CNTRL: variants seen among roughly 807,000 people sequenced by gnomAD.
CNTRL encodes centriolin.
In CNTRL, 233 loss-of-function variants were observed where a neutral mutation model predicts 303.7. The ratio of observed to expected loss-of-function variants is 0.77; its 90% confidence interval spans 0.69 to 0.86. CNTRL has a LOEUF of 0.86. Among genes scored for constraint, CNTRL ranks in the 40% least tolerant of loss-of-function variants. The pLI is 0.00. For missense variants in CNTRL, 2,524 were observed against 2,650.6 expected, an observed-to-expected ratio of 0.95 and a Z score of 1.05; for synonymous variants, 900 against 922.2, an observed-to-expected ratio of 0.98 and a Z score of 0.44.
rs1431585499 is a variant in CNTRL, at chr9:121,141,585, A to T, written c.2688A>T (p.Ala896=). The T allele has an allele frequency of 6.2e-7, 1 of 1,613,870 alleles. No homozygotes were observed. The highest frequency in any genetic ancestry group is 1.3e-5 in the African/African-American group (1 of 74,940). ...FRQACERALE[A]RMNFDKRQHE... ...AGGCCTGTGAGAGAGCCCTGGAAGC[A>T]AGAGTAAGACAAGGGCAAGAGGCAC... The change falls in exon 18 of 44, where the codon GCA becomes GCT. Residue 896 remains alanine, a synonymous_variant. Transcript: ENST00000373855.
At chr9:121,131,562 T>A (rs200607480) in intron 14 of CNTRL, among the ~76,000 whole-genome samples, 4 of 152,336 alleles carry the variant, frequency 2.6e-5, no homozygotes, top group South Asian at 2.1e-4. Context: ...TATAGCACAC[T>A]GATGGGTCTT....
At chr9:121,117,794 A>G (rs879476092) in intron 11 of CNTRL, among the ~76,000 whole-genome samples, 24 of 152,092 alleles carry the variant, frequency 1.6e-4, no homozygotes, top group Admixed American at 3.9e-4. Context: ...CCTGGCTAAC[A>G]TGGTGAAACC....
At chr9:121,113,837 T>G (rs528110099) in intron 10 of CNTRL, 113 bp downstream of exon 10, 1 of 626,374 alleles carries the variant, frequency 1.6e-6, no homozygotes, top group East Asian at 3.2e-5. Context: ...ATTGTTTCCA[T>G]GAAAAGTCTA....
chr9:121,099,008 A>C (rs1048360791), intron 7 of CNTRL, among the ~76,000 whole-genome samples: 7 of 152,144 alleles, frequency 4.6e-5, no homozygotes, highest in African/African-American at 1.7e-4. Context: ...CTGTGAGTTT[A>C]AGGAAGTGAA....
chr9:121,168,580 C>G (rs980527226), intron 38 of CNTRL, among the ~76,000 whole-genome samples: 11 of 152,148 alleles, frequency 7.2e-5, no homozygotes, highest in African/African-American at 2.4e-4. Flanking sequence ...GTGGAACATT[C>G]ACGTGAATAA....
intron 7 of CNTRL, among the ~76,000 whole-genome samples, chr9:121,100,410 A>T (rs2132673271): frequency 6.6e-6 from 1 of 152,364 alleles, no homozygotes. Flanking sequence ...TGAAGGAAGC[A>T]CTAAACATGG....
chr9:121,152,663 A>C lies in CNTRL; in HGVS notation c.4142A>C (p.His1381Pro), dbSNP rs2052345113. 6.2e-7 allele frequency: 1 copy of C among 1,613,562 alleles called. No homozygotes were observed. Among genetic ancestry groups the C allele is most frequent in the South Asian group, 1.1e-5 (1 of 91,056 alleles). Reference protein sequence around the residue: ...KSLECEVEELHRTVQKRQQQK... With the variant: ...KSLECEVEELPRTVQKRQQQK... ...TTAGAGTGTGAAGTAGAAGAATTACATAGAACTGTCCAGAAACGTCAACAG... is the reference window on the plus strand; with the variant it reads ...TTAGAGTGTGAAGTAGAAGAATTACCTAGAACTGTCCAGAAACGTCAACAG... Residue 1381 changes from histidine (H) to proline (P), a missense_variant, in exon 26 of 44, where the codon CAT (histidine) becomes CCT (proline). His to Pro is a moderately conservative substitution (Grantham distance 77). Transcript: ENST00000373855.
intron 3 of CNTRL, 104 bp from the exon 4 acceptor site, chr9:121,090,171 T>C (rs757561277): frequency 3.2e-6 from 3 of 939,342 alleles, no homozygotes; most frequent in East Asian, 4.1e-5. Context: ...TTTGGTATAT[T>C]CATGGCTTAA....
intron 5 of CNTRL, 136 bp downstream of exon 5, chr9:121,095,154 G>T (rs1280230111): frequency 3.0e-6 from 2 of 671,578 alleles, no homozygotes; most frequent in Non-Finnish European, 4.7e-6. Flanking sequence ...TCAATCAAAT[G>T]AATGTCTGTC....
At chr9:121,097,707 T>C (rs1434401408) in intron 6 of CNTRL, among the ~76,000 whole-genome samples, 1 of 152,196 alleles carries the variant, frequency 6.6e-6, no homozygotes, top group East Asian at 1.9e-4. Context: ...ATTCCTGAAG[T>C]AGTTGATCCT....
rs1291124315 is a variant in CNTRL, at chr9:121,158,055, A to C, written c.4710A>C (p.Glu1570Asp). 3 of 1,614,086 alleles carry C rather than the reference A, an allele frequency of 1.9e-6. No individual in the cohort carries two copies. The highest frequency in any genetic ancestry group is 1.3e-5 in the African/African-American group (1 of 74,936). ...NEDHHLQVLKESEVLLQAKRA... is the reference protein window; with the variant it reads ...NEDHHLQVLKDSEVLLQAKRA... ...ATCACCACCTGCAGGTCCTTAAAGA[A>C]TCTGAGGTGCTTCTTCAGGCCAAAA... Residue 1570 changes from glutamate (E) to aspartate (D), a missense_variant, in exon 30 of 44, where the codon GAA becomes GAC. Transcript: ENST00000373855.
intron 17 of CNTRL, 21 bp from the exon 18 acceptor site, chr9:121,141,360 A>AT (rs1307401975): frequency 7.0e-6 from 11 of 1,577,148 alleles, no homozygotes; most frequent in African/African-American, 4.0e-5. Context: ...CATTTATACC[A>AT]TTTTTCCCCC....
chr9:121,115,141 C>G lies in CNTRL; in HGVS notation c.1396C>G (p.Gln466Glu). The G allele has an allele frequency of 2.5e-6, 4 of 1,610,666 alleles. No homozygotes were observed. Among genetic ancestry groups the G allele is most frequent in the Non-Finnish European group, 3.4e-6 (4 of 1,178,440 alleles). The change falls in exon 11 of 44, where the codon CAA becomes GAA. Residue 466 changes from glutamine (Q) to glutamate (E), a missense_variant. Physicochemically the swap from Gln to Glu is conservative, Grantham distance 29. Coordinates refer to ENST00000373855, the MANE Select transcript of CNTRL (RefSeq NM_007018.6). Reference sequence around the variant, plus strand: ...TGATGAAATAGAAAAGGCAGAACAACAAATTTTGAGAGCTACTGAAGAATT... The same window carrying G: ...TGATGAAATAGAAAAGGCAGAACAAGAAATTTTGAGAGCTACTGAAGAATT... ...LHDEIEKAEQQILRATEEFKQ... is the reference protein window; with the variant it reads ...LHDEIEKAEQEILRATEEFKQ...
chr9:121,123,450 C>A (rs10739591), intron 12 of CNTRL, among the ~76,000 whole-genome samples: 106,057 of 151,876 alleles, frequency 0.7, 37,519 homozygotes, highest in East Asian at 0.96. Context: ...AAACAAACAA[C>A]AACCTGGGTG....
intron 14 of CNTRL, among the ~76,000 whole-genome samples, chr9:121,131,863 A>G (rs945161042): frequency 1.3e-5 from 2 of 152,180 alleles, no homozygotes; most frequent in Non-Finnish European, 2.9e-5. Context: ...GCTTGTCTGT[A>G]AAGGATTTTA....
chr9:121,173,112 A>G, intron 40 of CNTRL, 131 bp from the exon 41 acceptor site: 12 of 798,492 alleles, frequency 1.5e-5, no homozygotes, highest in Non-Finnish European at 2.3e-5. Flanking sequence ...AAAAATCACA[A>G]GTTTTTACAG....
At chr9:121,163,177 CA>C (rs201417738) in intron 34 of CNTRL, among the ~76,000 whole-genome samples, 29,351 of 112,202 alleles carry the variant, frequency 0.26, 3,285 homozygotes, top group South Asian at 0.46. Context: ...CTGTCTCTGC[CA>C]AAAAAAAAAA....
intron 2 of CNTRL, among the ~76,000 whole-genome samples, chr9:121,082,676 A>G (rs2048185494): frequency 2.0e-5 from 3 of 152,174 alleles, no homozygotes; most frequent in Admixed American, 2.0e-4. Flanking sequence ...TTGTGCATCT[A>G]AACATAGAAA....
chr9:121,164,837 C>A, intron 34 of CNTRL, 106 bp from the exon 35 acceptor site: 1 of 764,634 alleles, frequency 1.3e-6, no homozygotes. Context: ...GATTTATAAT[C>A]ATTTATACTT....
Sources: allele counts gnomAD v4.1 joint callset (sites outside exome capture counted in the v4.1 genomes callset), GRCh38; gene constraint gnomAD v4.1.1; transcripts MANE v1.5; gene names NCBI Gene and HGNC (gene_info 2026-07-23, HGNC 2026-07-21).